Variants in HMGCL observed in about 807,000 individuals in gnomAD.
HMGCL encodes the protein hydroxymethylglutaryl-CoA lyase, mitochondrial.
A neutral mutation model predicts 37.3 loss-of-function variants in HMGCL; 26 were observed. The observed-to-expected ratio is 0.70, with a 90% CI of 0.51 to 0.97. HMGCL has a LOEUF of 0.97. Ranked by LOEUF, HMGCL falls within the 50% of genes least tolerant of loss-of-function variation. HMGCL has a pLI of 0.00. For missense variants in HMGCL, 379 were observed against 398.1 expected, an observed-to-expected ratio of 0.95 and a Z score of 0.41; for synonymous variants, 151 against 148.0, an observed-to-expected ratio of 1.02 and a Z score of -0.15.
chr1:23,804,630 C>A, intron 7 of HMGCL, 105 bp from the exon 8 acceptor site: 1 of 1,257,656 alleles, frequency 8.0e-7, no homozygotes, highest in South Asian at 1.2e-5. Context: ...ATTCTAGAGT[C>A]ATTCTTTGCT....
At chr1:23,807,844 C>T (rs1166751805) in intron 7 of HMGCL, among the ~76,000 whole-genome samples, 3 of 152,166 alleles carry the variant, frequency 2.0e-5, no homozygotes, top group African/African-American at 7.2e-5. Flanking sequence ...GCAAATCCTC[C>T]CAGATCTCCT....
At chr1:23,804,553 G>C (rs1177712425) in intron 7 of HMGCL, 28 bp from the exon 8 acceptor site, 2 of 1,613,766 alleles carry the variant, frequency 1.2e-6, no homozygotes, top group Admixed American at 3.3e-5. Context: ...GTGAAACACA[G>C]TTGTTGCTGG....
At chr1:23,810,607 A>G in intron 6 of HMGCL, 129 bp downstream of exon 6, 1 of 777,422 alleles carries the variant, frequency 1.3e-6, no homozygotes, top group Non-Finnish European at 2.3e-6. Flanking sequence ...CAGGAGCTTA[A>G]TGAAGGAGCT....
At chr1:23,824,801 A>T (rs1638785263) in intron 1 of HMGCL, among the ~76,000 whole-genome samples, 1 of 152,216 alleles carries the variant, frequency 6.6e-6, no homozygotes, top group Non-Finnish European at 1.5e-5. Context: ...TTTCTGCTCC[A>T]TACAGCTACG....
rs148943423 is a variant in HMGCL, at chr1:23,814,234, G to T, written c.453C>A (p.Asp151Glu). Residue 151 changes from aspartate (D) to glutamate (E), a missense_variant, in exon 5 of 9, where the codon GAC becomes GAA. Asp to Glu is a conservative substitution (Grantham distance 45). Coordinates refer to ENST00000374490, the MANE Select transcript of HMGCL (RefSeq NM_000191.3). ...CSIEESFQRF[D>E]AILKAAQSAN... ...CTGACTGCGCTGCCTTCAGGATTGC[G>T]TCAAACCTCTGAAAACTCTCCTCTA... The T allele has an allele frequency of 7.4e-6, 12 of 1,614,042 alleles. No individual in the cohort carries two copies. In the East Asian group the frequency reaches 2.5e-4, roughly 33 times the overall value.
In HMGCL at chr1:23,806,143, G is replaced by A. The variant is rs1425019776; in HGVS notation, c.751-1618C>T. 2.0e-5 allele frequency among the ~76,000 whole-genome samples: 3 copies of A among 152,020 alleles called. No individual in the cohort carries two copies. ...ATTTTTATATTTTTAGTTGAGACAG[G>A]GTTTCACCATGTTGGCCAGGCTGGT... On this transcript the variant is annotated intron_variant, in intron 7 of 8. Transcript: ENST00000374490. The surrounding 1 kb of genome is among the most constrained non-coding windows in gnomAD (Gnocchi z 4.0).
Position 23,820,543 on chromosome 1 carries a change from T to A in HMGCL, c.111A>T (p.Glu37Asp). ...TTTGTAGTCCATCTCGGGGACCAAC[T>A]TCCACAATTTTCACCCGCTTTGGTA... The part of the protein sequence containing the change: ...GTLPKRVKIV[E>D]VGPRDGLQNE... Residue 37 changes from glutamate (E) to aspartate (D), a missense_variant, in exon 2 of 9, where the codon GAA (glutamate) becomes GAT (aspartate). Glu to Asp is a conservative substitution (Grantham distance 45). Coordinates refer to ENST00000374490, the MANE Select transcript of HMGCL (RefSeq NM_000191.3). The A allele has an allele frequency of 6.2e-7, 1 of 1,614,126 alleles. No homozygotes were observed. Among genetic ancestry groups the A allele is most frequent in the South Asian group, 1.1e-5 (1 of 91,066 alleles).
At chr1:23,807,533 G>T (rs1366947404) in intron 7 of HMGCL, among the ~76,000 whole-genome samples, 1 of 152,210 alleles carries the variant, frequency 6.6e-6, no homozygotes, top group African/African-American at 2.4e-5. Context: ...CCAGCCAATG[G>T]ATCTCCATTC....
At position 23,810,776 on chromosome 1, in the gene HMGCL, C is replaced by T. The variant is rs765475941; in HGVS notation, c.521G>A (p.Cys174Tyr). ...VRGYVSCALG[C>Y]PYEGKISPAK... ...TGGGGAGATCTTCCCTTCATAAGGG[C>T]AGCCAAGAGCACAGGAGACGTACCT... The change falls in exon 6 of 9, where the codon TGC (cysteine) becomes TAC (tyrosine). Residue 174 changes from cysteine (C) to tyrosine (Y), a missense_variant. Cys to Tyr is a radical substitution (Grantham distance 194). Coordinates refer to ENST00000374490, the MANE Select transcript of HMGCL (RefSeq NM_000191.3). 1 of 1,614,020 alleles carries T rather than the reference C, an allele frequency of 6.2e-7. No homozygotes were observed. The highest frequency in any genetic ancestry group is 8.5e-7 in the Non-Finnish European group (1 of 1,179,934).
intron 5 of HMGCL, chr1:23,813,931 C>T (rs1277547688): frequency 2.0e-6 from 1 of 505,784 alleles, no homozygotes; most frequent in Admixed American, 3.2e-5. Context: ...CATCCTCTGC[C>T]TCAGTCTCCC....
chr1:23,806,963 C>G lies in HMGCL; in HGVS notation c.750+1172G>C. ...TCAGCACTTAACCTGGCACATCGAT[C>G]CATATTTCCGAAGTAACTGATGGAA... On this transcript the variant is annotated intron_variant, in intron 7 of 8. Coordinates refer to ENST00000374490, the MANE Select transcript of HMGCL (RefSeq NM_000191.3). The surrounding 1 kb of genome is among the most constrained non-coding windows in gnomAD (Gnocchi z 4.0). 1 of 518,842 alleles carries G rather than the reference C, an allele frequency of 1.9e-6. No individual in the cohort carries two copies. The highest frequency in any genetic ancestry group is 1.4e-5 in the South Asian group (1 of 71,586). The allele number at this position is 518,842 out of a possible 1,614,324, so 32.1% of individuals were successfully genotyped here. A position where few individuals can be genotyped will look rare whatever the true frequency, so the allele number is the denominator to read the frequency against.
At chr1:23,818,181 G>A (rs138132453) in intron 2 of HMGCL, among the ~76,000 whole-genome samples, 37 of 152,266 alleles carry the variant, frequency 2.4e-4, no homozygotes, top group Middle Eastern at 3.4e-3. Context: ...AGGTCCAGGC[G>A]GACACATTGG....
intron 2 of HMGCL, among the ~76,000 whole-genome samples, chr1:23,818,900 G>A (rs1441013933): frequency 6.6e-6 from 1 of 150,984 alleles, no homozygotes; most frequent in Non-Finnish European, 1.5e-5. Context: ...TAGGTGCCGG[G>A]GATATAGCAG....
In HMGCL at chr1:23,804,324, C is replaced by G. The variant is rs374277221; in HGVS notation, c.876+76G>C. 21 of 1,575,250 alleles carry G rather than the reference C, an allele frequency of 1.3e-5. No homozygotes were observed. The African/African-American group carries it at 2.6e-4, about 19-fold the overall frequency. ...AGCACCTTAACAACCCCAAATACCC[C>G]CATCCACTTTTGTTCTCAGCTTCAG... On this transcript the variant is annotated intron_variant, in intron 8 of 8. Coordinates refer to ENST00000374490, the MANE Select transcript of HMGCL (RefSeq NM_000191.3).
rs370010993 is a variant in HMGCL, at chr1:23,814,283, G to A, written c.404C>T (p.Thr135Ile). The change falls in exon 5 of 9, where the codon ACC becomes ATC. Residue 135 changes from threonine (T) to isoleucine (I), a missense_variant. Physicochemically the swap from Thr to Ile is moderately conservative, Grantham distance 89. Coordinates refer to ENST00000374490, the MANE Select transcript of HMGCL (RefSeq NM_000191.3). ...VIFGAASELF[T>I]KKNINCSIEE... ...TATGGAACAATTGATGTTCTTCTTG[G>A]TGAAGAGCTCTGAGGCAGCTCCAAA... The A allele has an allele frequency of 6.8e-6, 11 of 1,613,716 alleles. No homozygotes were observed. In the South Asian group the frequency reaches 1.2e-4, roughly 18 times the overall value.
chr1:23,821,881 T>C (rs1034479132), intron 1 of HMGCL, among the ~76,000 whole-genome samples: 2 of 152,162 alleles, frequency 1.3e-5, no homozygotes, highest in Middle Eastern at 3.4e-3. Flanking sequence ...TTCTTACATC[T>C]CTCTCTCATC....
In HMGCL at chr1:23,814,312, G is replaced by A. The variant is rs139102957; in HGVS notation, c.375C>T (p.Val125=). The part of the protein sequence containing the change: ...AAVAAGAKEV[V]IFGAASELFT... ...AGAGCTCTGAGGCAGCTCCAAAGAT[G>A]ACTACTTCCTTGGCTCCAGCAGCAA... Residue 125 remains valine, a synonymous_variant, in exon 5 of 9, where the codon GTC becomes GTT. Coordinates refer to ENST00000374490, the MANE Select transcript of HMGCL (RefSeq NM_000191.3). 278 of 1,613,438 alleles carry A rather than the reference G, an allele frequency of 1.7e-4. 1 individual carries two copies. Among genetic ancestry groups the A allele is most frequent in the Non-Finnish European group, 2.3e-4 (270 of 1,179,902 alleles).
chr1:23,814,660 T>G (rs1359528628), intron 4 of HMGCL, among the ~76,000 whole-genome samples: 1 of 152,122 alleles, frequency 6.6e-6, no homozygotes, highest in African/African-American at 2.4e-5. Flanking sequence ...TCAGCCATCA[T>G]GCCCGGCCAG....
Position 23,810,738 on chromosome 1 carries a change from C to G in HMGCL, c.559G>C (p.Glu187Gln). The G allele has an allele frequency of 6.2e-7, 1 of 1,613,984 alleles. No individual in the cohort carries two copies. Among genetic ancestry groups the G allele is most frequent in the Middle Eastern group, 1.7e-4 (1 of 6,060 alleles). The change falls in exon 6 of 9, where the codon GAG becomes CAG. Residue 187 changes from glutamate to glutamine, a missense_variant and splice_region_variant. Coordinates refer to ENST00000374490, the MANE Select transcript of HMGCL (RefSeq NM_000191.3). ...EGKISPAKVA[E>Q]VTKKFYSMGC... Reference sequence around the variant, plus strand: ...CCCGCCCTGACACATGCACACACCTCAGCTACTTTAGCTGGGGAGATCTTC... The same window carrying G: ...CCCGCCCTGACACATGCACACACCTGAGCTACTTTAGCTGGGGAGATCTTC...
Sources: gnomAD v4.1 joint callset for allele counts (sites outside exome capture counted in the v4.1 genomes callset) on GRCh38, gnomAD v4.1.1 for gene constraint, Gnocchi (gnomAD v3.1) non-coding constraint, MANE v1.5 for transcripts, NCBI Gene and HGNC (gene_info 2026-07-23, HGNC 2026-07-21) for gene names.